The following TRPV1 variants were observed in gnomAD, a reference collection of about 807,000 sequenced individuals.
TRPV1 encodes the protein OTRPC1.
TRPV1 carries 82 observed loss-of-function variants against 82.3 expected under a neutral mutation model. The ratio of observed to expected loss-of-function variants is 1.00; its 90% confidence interval spans 0.83 to 1.20. The LOEUF is 1.20. Among genes scored for constraint, TRPV1 ranks in the 50% most tolerant of loss-of-function variants. TRPV1 has a pLI of 0.00. For synonymous variants in TRPV1, 515 were observed against 467.7 expected, an observed-to-expected ratio of 1.10 and a Z score of -1.30; for missense variants, 1,067 against 1,096.8, an observed-to-expected ratio of 0.97 and a Z score of 0.38.
chr17:3,568,220 G>A (rs1453435529), intron 16 of TRPV1, among the ~76,000 whole-genome samples: 9 of 151,816 alleles, frequency 5.9e-5, no homozygotes, highest in African/African-American at 1.2e-4. Flanking sequence ...TACTCGGGAG[G>A]CTGAAGCAGG....
Position 3,580,486 on chromosome 17 carries a change from C to T in TRPV1, c.1518G>A (p.Leu506=). 6.2e-7 allele frequency: 1 copy of T among 1,614,050 alleles called. No individual in the cohort carries two copies. The highest frequency in any genetic ancestry group is 1.1e-5 in the South Asian group (1 of 91,088). The change falls in exon 11 of 17, where the codon CTG becomes CTA. Residue 506 remains leucine, a synonymous_variant. Coordinates refer to ENST00000572705, the MANE Select transcript of TRPV1 (RefSeq NM_080704.4). ...GCATCTCACTGTAGCTGTCCACAAACAGGGTCTTCATCGACGGCCGCCTCT... is the reference window on the plus strand; with the variant it reads ...GCATCTCACTGTAGCTGTCCACAAATAGGGTCTTCATCGACGGCCGCCTCT... ...FLQRRPSMKT[L]FVDSYSEMLF...
At chr17:3,606,991 T>C (rs886835529) in intron 2 of TRPV1, among the ~76,000 whole-genome samples, 3 of 152,152 alleles carry the variant, frequency 2.0e-5, no homozygotes, top group African/African-American at 4.8e-5. Flanking sequence ...TACTCTTCTC[T>C]CTCATGCAGC....
At chr17:3,593,085 T>C (rs1169594395) in intron 2 of TRPV1, among the ~76,000 whole-genome samples, 1 of 1,354 alleles carries the variant, frequency 7.4e-4, no homozygotes, top group Admixed American at 5.7e-3. Flanking sequence ...TTTAGGCGTG[T>C]GTGTGTGTGT....
chr17:3,588,466 C>T lies in TRPV1; in HGVS notation c.1045-99G>A, dbSNP rs2075111678. 3 of 1,359,662 alleles carry T rather than the reference C, an allele frequency of 2.2e-6. No homozygotes were observed. In the Admixed American group the frequency reaches 6.7e-5, roughly 30 times the overall value. 84.2% of individuals were successfully genotyped at this position (1,359,662 alleles called of 1,614,324 possible). ...TCTGCTTCCCAGCCCAGCTGGTGGC[C>T]CCACCTAAGCCCCAGGCGAGTCCCC... On this transcript the variant is annotated intron_variant, in intron 7 of 16. Coordinates refer to ENST00000572705, the MANE Select transcript of TRPV1 (RefSeq NM_080704.4).
At position 3,573,584 on chromosome 17, in the gene TRPV1, C is replaced by T. The variant is rs199514175; in HGVS notation, c.2103+49G>A. Reference sequence around the variant, plus strand: ...AGCTGTGTAAGACAGCAGACAGAGCCGCCCACACTCTCCGCGCCACTCACC... The same window carrying T: ...AGCTGTGTAAGACAGCAGACAGAGCTGCCCACACTCTCCGCGCCACTCACC... On this transcript the variant is annotated intron_variant, in intron 14 of 16. Transcript: ENST00000572705. 280 of 1,256,104 alleles carry T rather than the reference C, an allele frequency of 2.2e-4. 2 individuals carry two copies. Among genetic ancestry groups the T allele is most frequent in the Non-Finnish European group, 2.0e-4 (194 of 953,422 alleles). 77.8% of individuals were successfully genotyped at this position (1,256,104 alleles called of 1,614,324 possible). A position where few individuals can be genotyped will look rare whatever the true frequency, so the allele number is the denominator to read the frequency against.
In TRPV1 at chr17:3,592,268, T is replaced by C; in HGVS notation, c.83A>G (p.Asp28Gly). 1 of 1,607,246 alleles carries C rather than the reference T, an allele frequency of 6.2e-7. No individual in the cohort carries two copies. Among genetic ancestry groups the C allele is most frequent in the Non-Finnish European group, 8.5e-7 (1 of 1,176,994 alleles). The change falls in exon 3 of 17, where the codon GAC becomes GGC. Residue 28 changes from aspartate (D) to glycine (G), a missense_variant. Physicochemically the swap from Asp to Gly is moderately conservative, Grantham distance 94. Transcript: ENST00000572705. ...KDTCPDPLDG[D>G]PNSRPPPAKP... Reference sequence around the variant, plus strand: ...GGCTGGAGGTGGCCTGGAGTTAGGGTCTCCATCCAGGGGGTCTGGGCAGGT... The same window carrying C: ...GGCTGGAGGTGGCCTGGAGTTAGGGCCTCCATCCAGGGGGTCTGGGCAGGT...
At chr17:3,605,827 G>GAA (rs1287456356) in intron 2 of TRPV1, among the ~76,000 whole-genome samples, 1 of 152,206 alleles carries the variant, frequency 6.6e-6, no homozygotes, top group African/African-American at 2.4e-5. Flanking sequence ...TGGGCGCTCA[G>GAA]AAAATGTGGC....
intron 2 of TRPV1, among the ~76,000 whole-genome samples, chr17:3,604,390 G>T (rs1158092589): frequency 6.6e-6 from 1 of 152,126 alleles, no homozygotes; most frequent in African/African-American, 2.4e-5. Flanking sequence ...CTGAGGTCAG[G>T]AGTTTGAGAC....
intron 13 of TRPV1, among the ~76,000 whole-genome samples, chr17:3,576,584 G>A (rs1182093066): frequency 2.0e-5 from 3 of 148,374 alleles, no homozygotes; most frequent in Non-Finnish European, 3.0e-5. Context: ...CCCGGGAGGC[G>A]GAGCCTCCAG....
At chr17:3,573,352 A>C (rs2074884358) in intron 14 of TRPV1, among the ~76,000 whole-genome samples, 1 of 152,100 alleles carries the variant, frequency 6.6e-6, no homozygotes, top group Admixed American at 6.5e-5. Flanking sequence ...AGCTGAGCTC[A>C]TCTGCCCCTG....
chr17:3,592,554 C>T (rs1269680643), intron 2 of TRPV1, 171 bp from the exon 3 acceptor site: 1 of 684,494 alleles, frequency 1.5e-6, no homozygotes, highest in African/African-American at 1.8e-5. Flanking sequence ...AACCTCTCAC[C>T]CCAGAGGCCT....
chr17:3,578,593 G>A (rs1156369275), intron 11 of TRPV1: 1 of 152,200 alleles, frequency 6.6e-6, no homozygotes, highest in African/African-American at 2.4e-5. Flanking sequence ...CTTCTCTTAG[G>A]CAGGTAAATC....
chr17:3,590,210 CA>C (rs1337552550), intron 6 of TRPV1, 41 bp downstream of exon 6: 3 of 1,605,006 alleles, frequency 1.9e-6, no homozygotes, highest in Admixed American at 1.7e-5. Flanking sequence ...CTCCCCTTAG[CA>C]AAAGCCAAAA....
At chr17:3,602,599 G>A (rs1015361913) in intron 2 of TRPV1, among the ~76,000 whole-genome samples, 1 of 152,230 alleles carries the variant, frequency 6.6e-6, no homozygotes, top group African/African-American at 2.4e-5. Context: ...TTTGATGGGA[G>A]CGAGAGGCAG....
At position 3,572,093 on chromosome 17, in the gene TRPV1, C is replaced by A. The variant is rs763216998; in HGVS notation, c.2231+29G>T. On this transcript the variant is annotated intron_variant, in intron 15 of 16. Coordinates refer to ENST00000572705, the MANE Select transcript of TRPV1 (RefSeq NM_080704.4). ...ACAGGTGAGCCCCAAAGCTCCCAAGCCCTGATTCAGGTGGAGCCTGGGCAT... is the reference window on the plus strand; with the variant it reads ...ACAGGTGAGCCCCAAAGCTCCCAAGACCTGATTCAGGTGGAGCCTGGGCAT... 1.4e-5 allele frequency: 22 copies of A among 1,607,300 alleles called. No homozygotes were observed. In the African/African-American group the frequency reaches 2.9e-4, roughly 21 times the overall value.
rs1321226971 is a variant in TRPV1 at position 3,577,687 on chromosome 17, C to T, written c.1624G>A (p.Val542Ile). The part of the protein sequence containing the change: ...SHLKEYVASM[V>I]FSLALGWTNM... The stretch of plus-strand genomic sequence containing the variant: ...GTCCAGCCCAAGGCCAGGGAGAATA[C>T]CATGGAAGCCACATACTCCTTGAGG... The change falls in exon 12 of 17, where the codon GTA becomes ATA. Residue 542 changes from valine (V) to isoleucine (I), a missense_variant. Coordinates refer to ENST00000572705, the MANE Select transcript of TRPV1 (RefSeq NM_080704.4). The T allele has an allele frequency of 2.5e-6, 4 of 1,588,228 alleles. No individual in the cohort carries two copies. The highest frequency in any genetic ancestry group is 3.4e-6 in the Non-Finnish European group (4 of 1,167,812).
intron 2 of TRPV1, among the ~76,000 whole-genome samples, chr17:3,594,290 G>A (rs1329719109): frequency 6.6e-6 from 1 of 151,768 alleles, no homozygotes; most frequent in African/African-American, 2.4e-5. Context: ...AACAGCCGCA[G>A]AAGAAATGAG....
chr17:3,568,140 G>A (rs1484597973), intron 16 of TRPV1, among the ~76,000 whole-genome samples: 1 of 152,016 alleles, frequency 6.6e-6, no homozygotes, highest in Non-Finnish European at 1.5e-5. Flanking sequence ...GGCTAACATG[G>A]TGAAACCCCG....
intron 2 of TRPV1, among the ~76,000 whole-genome samples, chr17:3,602,487 A>G (rs1442893151): frequency 6.6e-6 from 1 of 152,230 alleles, no homozygotes; most frequent in Non-Finnish European, 1.5e-5. Flanking sequence ...CATTTGAAAC[A>G]GGATGTTCTT....
Sources: gnomAD v4.1 joint callset for allele counts (sites outside exome capture counted in the v4.1 genomes callset) on GRCh38, gnomAD v4.1.1 for gene constraint, MANE v1.5 for transcripts, NCBI Gene and HGNC (gene_info 2026-07-23, HGNC 2026-07-21) for gene names.